The following DPH6 variants were observed in gnomAD, a reference collection of about 807,000 sequenced individuals.
DPH6 encodes the protein diphthamine biosynthesis 6.
In DPH6, 33 loss-of-function variants were observed where a neutral mutation model predicts 38.2. The observed-to-expected ratio is 0.86, with a 90% CI of 0.65 to 1.15. DPH6 has a LOEUF of 1.15. Among genes scored for constraint, DPH6 ranks in the 50% most tolerant of loss-of-function variants. DPH6 has a pLI of 0.00. For synonymous variants in DPH6, 108 were observed against 103.0 expected, an observed-to-expected ratio of 1.05 and a Z score of -0.30; for missense variants, 325 against 320.0, an observed-to-expected ratio of 1.02 and a Z score of -0.12.
At position 35,383,406 on chromosome 15, in the gene DPH6, C is replaced by T. The variant is rs575349713; in HGVS notation, c.568-1490G>A. Among the ~76,000 whole-genome samples, 5 of 152,254 alleles carry T rather than the reference C, an allele frequency of 3.3e-5. No individual in the cohort carries two copies. The South Asian group carries it at 6.2e-4, about 19-fold the overall frequency. On this transcript the variant is annotated intron_variant, in intron 6 of 8. Coordinates refer to ENST00000256538, the MANE Select transcript of DPH6 (RefSeq NM_080650.4). ...ACATTCATTCATTCAGTCAGTTCTT[C>T]GACAAACACTTTTTGAAAAATAGTT...
At chr15:35,431,794 T>C (rs754295118) in intron 5 of DPH6, among the ~76,000 whole-genome samples, 12 of 146,218 alleles carry the variant, frequency 8.2e-5, no homozygotes, top group Non-Finnish European at 1.8e-4. Flanking sequence ...CTTGGCAAAG[T>C]TTTTTTTTTT....
At chr15:35,377,168 C>T (rs935123559) in intron 7 of DPH6, among the ~76,000 whole-genome samples, 2 of 152,100 alleles carry the variant, frequency 1.3e-5, no homozygotes, top group Admixed American at 6.6e-5. Flanking sequence ...GCTTTATACT[C>T]ATTTTGAAAC....
At chr15:35,424,789 T>A (rs2053548183) in intron 5 of DPH6, among the ~76,000 whole-genome samples, 1 of 151,612 alleles carries the variant, frequency 6.6e-6, no homozygotes, top group Admixed American at 6.6e-5. Flanking sequence ...ATATCAGGAC[T>A]GAAAAACTGG....
At chr15:35,326,522 C>T (rs984569020), downstream of DPH6, among the ~76,000 whole-genome samples, 4 of 152,016 alleles carry the variant, frequency 2.6e-5, no homozygotes, top group African/African-American at 9.7e-5. Flanking sequence ...GCCTCAACCT[C>T]CTAGGTTCAA....
chr15:35,386,033 T>G (rs1219705278), intron 6 of DPH6, among the ~76,000 whole-genome samples: 4 of 152,016 alleles, frequency 2.6e-5, no homozygotes, highest in Non-Finnish European at 4.4e-5. Flanking sequence ...TGTGTGAGGT[T>G]CCCCTTCCTG....
intron 5 of DPH6, among the ~76,000 whole-genome samples, chr15:35,436,515 A>AAAC (rs1264935944): frequency 0.013 from 1,503 of 117,278 alleles, 141 homozygotes; most frequent in African/African-American, 0.043. Flanking sequence ...AAAACAAAAC[A>AAAC]AAAAAGGTTC....
At chr15:35,498,769 T>C (rs1023331616) in intron 3 of DPH6, among the ~76,000 whole-genome samples, 3 of 151,996 alleles carry the variant, frequency 2.0e-5, no homozygotes, top group Non-Finnish European at 4.4e-5. Flanking sequence ...TAGTCTCTAT[T>C]CATATAGCTT....
In DPH6 at chr15:35,427,481, C is replaced by A. The variant is rs963502025; in HGVS notation, c.506-16585G>T. 3.1e-5 allele frequency among the ~76,000 whole-genome samples: 4 copies of A among 130,534 alleles called. No individual in the cohort carries two copies. In the East Asian group the frequency reaches 8.6e-4, roughly 28 times the overall value. 85.6% of individuals were successfully genotyped at this position (130,534 alleles called of 152,430 possible). On this transcript the variant is annotated intron_variant, in intron 5 of 8. Coordinates refer to ENST00000256538, the MANE Select transcript of DPH6 (RefSeq NM_080650.4). ...CTTTTCTTTCAGAAAGAAAAATAAT[C>A]GAATTAAGATTTTATGGAATTACAG...
At chr15:35,365,690 T>A (rs922961049) in intron 3 of DPH6, 8 of 775,178 alleles carry the variant, frequency 1.0e-5, no homozygotes, top group East Asian at 2.5e-4. Context: ...ATTGCCCAGT[T>A]TGATTCCCAA....
At chr15:35,226,983 T>C (rs1035323488) in intron 3 of DPH6, among the ~76,000 whole-genome samples, 3 of 152,088 alleles carry the variant, frequency 2.0e-5, no homozygotes, top group Non-Finnish European at 4.4e-5. Context: ...AGACTTTTCA[T>C]TATGGTTTTC....
At chr15:35,541,552 T>G (rs1366893105) in intron 2 of DPH6, among the ~76,000 whole-genome samples, 3 of 152,158 alleles carry the variant, frequency 2.0e-5, no homozygotes, top group Admixed American at 2.0e-4. Flanking sequence ...TGTTCTCACA[T>G]ACACCACTCA....
At chr15:35,282,980 TCTC>T (rs1176363723) in intron 3 of DPH6, 6 of 279,132 alleles carry the variant, frequency 2.1e-5, no homozygotes, top group Admixed American at 2.0e-4. Context: ...CTTGAGCTGA[TCTC>T]CTGAATATCA....
intron 3 of DPH6, among the ~76,000 whole-genome samples, chr15:35,256,662 T>G (rs2140413865): frequency 6.6e-6 from 1 of 152,334 alleles, no homozygotes; most frequent in Non-Finnish European, 1.5e-5. Flanking sequence ...CTGTGTTCAC[T>G]CTGGGATTTA....
chr15:35,402,144 T>C (rs1595533204), intron 6 of DPH6, among the ~76,000 whole-genome samples: 1 of 152,188 alleles, frequency 6.6e-6, no homozygotes, highest in East Asian at 1.9e-4. Context: ...TCTGAAGCCA[T>C]CTTGGTAAAT....
At chr15:35,518,250 C>A (rs1054821195) in intron 3 of DPH6, among the ~76,000 whole-genome samples, 4 of 152,014 alleles carry the variant, frequency 2.6e-5, no homozygotes, top group African/African-American at 2.4e-5. Flanking sequence ...GGCTTTTAAA[C>A]TCTGTTGCTT....
At chr15:35,367,450 A>G (rs182521211), downstream of DPH6, among the ~76,000 whole-genome samples, 223 of 152,020 alleles carry the variant, frequency 1.5e-3, 1 homozygote, top group Middle Eastern at 0.02. Context: ...ATACATTTTA[A>G]TATGATTTTC....
At chr15:35,327,056 C>A (rs1172496796), downstream of DPH6, among the ~76,000 whole-genome samples, 1 of 152,008 alleles carries the variant, frequency 6.6e-6, no homozygotes, top group African/African-American at 2.4e-5. Flanking sequence ...AAGAAGTGAG[C>A]CATGCTAGCA....
chr15:35,494,270 A>T (rs1443392835), intron 3 of DPH6, among the ~76,000 whole-genome samples: 2 of 152,142 alleles, frequency 1.3e-5, no homozygotes, highest in East Asian at 3.8e-4. Context: ...ATCATCTGAG[A>T]CATACTTTCT....
At chr15:35,174,832 A>T in the DPH6 span, among the ~76,000 whole-genome samples, 2 of 152,214 alleles carry the variant, frequency 1.3e-5, no homozygotes, top group African/African-American at 4.8e-5. Context: ...TTAAGGTGAC[A>T]TGTAGAGGTG....
Sources: allele counts gnomAD v4.1 joint callset (sites outside exome capture counted in the v4.1 genomes callset), GRCh38; gene constraint gnomAD v4.1.1; transcripts MANE v1.5; gene names NCBI Gene and HGNC (gene_info 2026-07-23, HGNC 2026-07-21).